TTF1: variants seen among roughly 807,000 people sequenced by gnomAD.
The protein encoded by TTF1 is transcription termination factor, RNA polymerase I.
TTF1 carries 64 observed loss-of-function variants against 80.2 expected under a neutral mutation model. That is an observed-to-expected ratio of 0.80 (90% CI 0.65 to 0.98). The LOEUF is 0.98. Ranked by LOEUF, TTF1 falls within the 50% of genes least tolerant of loss-of-function variation. The pLI is 0.00. For synonymous variants in TTF1, 372 were observed against 382.7 expected, an observed-to-expected ratio of 0.97 and a Z score of 0.33; for missense variants, 1,023 against 1,086.2, an observed-to-expected ratio of 0.94 and a Z score of 0.82.
intron 8 of TTF1, among the ~76,000 whole-genome samples, chr9:132,387,312 G>A (rs909797103): frequency 2.6e-5 from 4 of 152,234 alleles, no homozygotes; most frequent in African/African-American, 7.2e-5. Flanking sequence ...TCTACAGACA[G>A]GGAAATGGTG....
intron 5 of TTF1, among the ~76,000 whole-genome samples, chr9:132,394,065 G>C (rs1203547319): frequency 2.0e-5 from 3 of 151,832 alleles, no homozygotes; most frequent in Admixed American, 2.0e-4. Flanking sequence ...GGGACTACAG[G>C]TGCATACCAG....
chr9:132,376,467 C>G (rs888671377), intron 10 of TTF1, among the ~76,000 whole-genome samples: 1 of 152,096 alleles, frequency 6.6e-6, no homozygotes, highest in African/African-American at 2.4e-5. Flanking sequence ...GTCTGCTGAA[C>G]GCAAAGACGC....
In TTF1 at chr9:132,375,712, G is replaced by T. The variant is rs1161581534; in HGVS notation, c.*203C>A. Reference sequence around the variant, plus strand: ...TAATCAAACTGAGAAAAAGGGACAAGAAATAGTAATCTCTCTCTCTCATGC... The same window carrying T: ...TAATCAAACTGAGAAAAAGGGACAATAAATAGTAATCTCTCTCTCTCATGC... On this transcript the variant is annotated 3_prime_UTR_variant, in exon 11 of 11. Coordinates refer to ENST00000334270, the MANE Select transcript of TTF1 (RefSeq NM_007344.4). 3 of 498,170 alleles carry T rather than the reference G, an allele frequency of 6.0e-6. No homozygotes were observed. Among genetic ancestry groups the T allele is most frequent in the Non-Finnish European group, 1.1e-5 (3 of 278,752 alleles). The allele number at this position is 498,170 out of a possible 1,614,324, so 30.9% of individuals were successfully genotyped here. A position where few individuals can be genotyped will look rare whatever the true frequency, so the allele number is the denominator to read the frequency against.
chr9:132,377,318 GGTGT>G (rs200984680), intron 10 of TTF1, among the ~76,000 whole-genome samples: 5 of 140,028 alleles, frequency 3.6e-5, no homozygotes, highest in Admixed American at 2.8e-4. Flanking sequence ...GAGTGCATGT[GGTGT>G]GTGTGTGAAT....
chr9:132,377,098 A>G (rs1849192345), intron 10 of TTF1, among the ~76,000 whole-genome samples: 1 of 152,150 alleles, frequency 6.6e-6, no homozygotes, highest in African/African-American at 2.4e-5. Flanking sequence ...TCTTTCTGGA[A>G]TATGTGTATG....
chr9:132,402,102 C>A lies in TTF1; in HGVS notation c.720G>T (p.Ser240=), dbSNP rs143824332. The A allele has an allele frequency of 6.2e-7, 1 of 1,613,644 alleles. No homozygotes were observed. Among genetic ancestry groups the A allele is most frequent in the Non-Finnish European group, 8.5e-7 (1 of 1,179,928 alleles). The change falls in exon 2 of 11, where the codon TCG becomes TCT. Residue 240 remains serine (S), a synonymous_variant. Coordinates refer to ENST00000334270, the MANE Select transcript of TTF1 (RefSeq NM_007344.4). ...CAGTCCCGGCCTCTCTGCCTGCTTG[C>A]GATCCTTCAGGCATGGCCAGTGTCT... ...EYETLAMPEG[S]QAGREAGTDM... is the part of the protein sequence containing the mutation.
At chr9:132,400,280 T>G in intron 2 of TTF1, 22 bp from the exon 3 acceptor site, 1 of 1,597,524 alleles carries the variant, frequency 6.3e-7, no homozygotes, top group Non-Finnish European at 8.6e-7. Context: ...GAAAATTGGG[T>G]TGACTAACAT....
At position 132,384,707 on chromosome 9, in the gene TTF1, A is replaced by C. The variant is rs7019394; in HGVS notation, c.2378+1849T>G. 6.5e-3 allele frequency among the ~76,000 whole-genome samples: 983 copies of C among 152,106 alleles called. 14 individuals carry two copies. The highest frequency in any genetic ancestry group is 0.022 in the African/African-American group (927 of 41,462). ...AGTCTTGCTCTGTTGCCCAGGCTGG[A>C]GTGCAATGGCATGATCTCGGCTTAC... On this transcript the variant is annotated intron_variant, in intron 9 of 10. Transcript: ENST00000334270. The surrounding 1 kb of genome is among the most constrained non-coding windows in gnomAD (Gnocchi z 4.1).
rs570818209 is a variant in TTF1 at position 132,390,167 on chromosome 9, A to T, written c.2222+430T>A. 1.2e-3 allele frequency among the ~76,000 whole-genome samples: 187 copies of T among 152,148 alleles called. 7 individuals are homozygous for T. The South Asian group carries it at 0.037, about 30-fold the overall frequency. ...GCTAATTTTTGTATTTTTGGTAGAG[A>T]CAGGGTTTTGCCACATTGGCCAGGC... On this transcript the variant is annotated intron_variant, in intron 7 of 10. Coordinates refer to ENST00000334270, the MANE Select transcript of TTF1 (RefSeq NM_007344.4).
At position 132,376,123 on chromosome 9, in the gene TTF1, T is replaced by C; in HGVS notation, c.2510A>G (p.Glu837Gly). The C allele has an allele frequency of 6.2e-7, 1 of 1,614,118 alleles. No individual in the cohort carries two copies. The highest frequency in any genetic ancestry group is 1.3e-5 in the African/African-American group (1 of 75,050). The change falls in exon 11 of 11, where the codon GAA becomes GGA. Residue 837 changes from glutamate (E) to glycine (G), a missense_variant. By Grantham distance (98) the Glu-to-Gly change is moderately conservative (BLOSUM62 -2). Transcript: ENST00000334270. ...TTTCTCCATCATTTTTTCTAACTTT[T>C]CCTTCAGCAAAGGTAGAGTCGTCTC... ...LYETTLPLLK[E>G]KLEKMMEKKG...
intron 5 of TTF1, among the ~76,000 whole-genome samples, chr9:132,396,112 G>A (rs369258461): frequency 2.0e-5 from 3 of 152,140 alleles, no homozygotes; most frequent in Non-Finnish European, 4.4e-5. Flanking sequence ...GGATGTTTGG[G>A]TTCACAAGGA....
Position 132,402,410 on chromosome 9 carries a change from T to G in TTF1, c.412A>C (p.Arg138=), listed in dbSNP as rs1455442190. The G allele has an allele frequency of 6.2e-7, 1 of 1,614,256 alleles. No individual in the cohort carries two copies. Among genetic ancestry groups the G allele is most frequent in the Non-Finnish European group, 8.5e-7 (1 of 1,180,050 alleles). ...VDMSIEQKLP[R]KPKTDKFQVL... is the part of the protein sequence containing the mutation. ...TGAAATTTGTCTGTTTTAGGCTTTCTTGGTAACTTCTGTTCTATGCTCATA... is the reference window on the plus strand; with the variant it reads ...TGAAATTTGTCTGTTTTAGGCTTTCGTGGTAACTTCTGTTCTATGCTCATA... Residue 138 remains arginine (R), a synonymous_variant, in exon 2 of 11, where the codon AGA becomes CGA. Transcript: ENST00000334270.
intron 5 of TTF1, among the ~76,000 whole-genome samples, chr9:132,395,225 A>G (rs1849626836): frequency 6.6e-6 from 1 of 152,156 alleles, no homozygotes; most frequent in Non-Finnish European, 1.5e-5. Context: ...AATCAACAAC[A>G]AAAATTAAAA....
rs145860666 is a variant in TTF1 at position 132,400,097 on chromosome 9, G to C, written c.1529C>G (p.Thr510Ser). The C allele has an allele frequency of 1.9e-4, 303 of 1,614,002 alleles. No homozygotes were observed. Among genetic ancestry groups the C allele is most frequent in the Non-Finnish European group, 2.3e-4 (277 of 1,180,042 alleles). The change falls in exon 3 of 11, where the codon ACC becomes AGC. Residue 510 changes from threonine to serine, a missense_variant. Transcript: ENST00000334270. ...CCGGTACATCCGCTTGATTGTGCTGGTGGCCCTGTCCTTGATGTTAGGAAT... is the reference window on the plus strand; with the variant it reads ...CCGGTACATCCGCTTGATTGTGCTGCTGGCCCTGTCCTTGATGTTAGGAAT... The part of the protein sequence containing the change: ...EFIPNIKDRA[T>S]STIKRMYRDD...
At chr9:132,381,385 T>C (rs554912622) in intron 9 of TTF1, among the ~76,000 whole-genome samples, 295 of 152,312 alleles carry the variant, frequency 1.9e-3, no homozygotes, top group African/African-American at 6.8e-3. Context: ...AGATGGGGTT[T>C]CACCATGTTG....
At chr9:132,386,830 C>T (rs187972773) in intron 8 of TTF1, among the ~76,000 whole-genome samples, 4 of 152,310 alleles carry the variant, frequency 2.6e-5, no homozygotes, top group Admixed American at 6.5e-5. Context: ...GCTGAAAAGA[C>T]CTCTTTCCTC....
At position 132,402,709 on chromosome 9, in the gene TTF1, C is replaced by T; in HGVS notation, c.113G>A (p.Arg38Lys). 1 of 1,614,118 alleles carries T rather than the reference C, an allele frequency of 6.2e-7. No homozygotes were observed. Among genetic ancestry groups the T allele is most frequent in the Non-Finnish European group, 8.5e-7 (1 of 1,180,032 alleles). The change falls in exon 2 of 11, where the codon AGA (arginine) becomes AAA (lysine). Residue 38 changes from arginine to lysine, a missense_variant. Physicochemically the swap from Arg to Lys is conservative, Grantham distance 26. Coordinates refer to ENST00000334270, the MANE Select transcript of TTF1 (RefSeq NM_007344.4). ...RPQKHSHEIF[R>K]DSSLVNEQSQ... is the part of the protein sequence containing the mutation. ...CTGTTCATTCACCAGGGAGGAGTCT[C>T]TGAAAATTTCGTGGGAATGTTTCTG...
intron 5 of TTF1, among the ~76,000 whole-genome samples, chr9:132,393,075 T>C (rs1173207528): frequency 6.6e-6 from 1 of 152,210 alleles, no homozygotes; most frequent in East Asian, 1.9e-4. Flanking sequence ...GACACAGCTC[T>C]AGAAGGGAAG....
intron 10 of TTF1, 27 bp from the exon 11 acceptor site, chr9:132,376,195 G>C: frequency 6.2e-7 from 1 of 1,600,100 alleles, no homozygotes; most frequent in Non-Finnish European, 8.5e-7. Flanking sequence ...TAATTGTGCA[G>C]TTATCTGTCT....
Sources: gnomAD v4.1 joint callset for allele counts (sites outside exome capture counted in the v4.1 genomes callset) on GRCh38, gnomAD v4.1.1 for gene constraint, Gnocchi (gnomAD v3.1) non-coding constraint, MANE v1.5 for transcripts, NCBI Gene and HGNC (gene_info 2026-07-23, HGNC 2026-07-21) for gene names.